The following GLIS1 variants were observed in gnomAD, a reference collection of about 807,000 sequenced individuals.
GLIS1 encodes the protein GLIS family zinc finger 1, also known as zinc finger protein GLIS1.
In GLIS1, 24 loss-of-function variants were observed where a neutral mutation model predicts 63.8. The observed-to-expected ratio is 0.38, with a 90% CI of 0.27 to 0.53. GLIS1 has a LOEUF of 0.53. GLIS1 is among the 20% of genes least tolerant of loss of function. The pLI is 0.85. For synonymous variants in GLIS1, 450 were observed against 482.5 expected (o/e 0.93, Z 0.88); for missense variants, 1,036 against 1,074.1 (o/e 0.96, Z 0.50).
intron 4 of GLIS1, among the ~76,000 whole-genome samples, chr1:53,561,217 G>A (rs942744324): frequency 1.3e-5 from 2 of 152,224 alleles, no homozygotes; most frequent in African/African-American, 4.8e-5. Flanking sequence ...TACACGGTAA[G>A]TGGGAGAGCT....
chr1:53,632,484 G>A (rs1436919261), intron 2 of GLIS1, among the ~76,000 whole-genome samples: 1 of 150,580 alleles, frequency 6.6e-6, no homozygotes, highest in Non-Finnish European at 1.5e-5. Context: ...GTGACTGAGG[G>A]GCATGTGAAT....
intron 2 of GLIS1, among the ~76,000 whole-genome samples, chr1:53,647,091 A>G (rs190615489): frequency 6.6e-6 from 1 of 152,356 alleles, no homozygotes; most frequent in East Asian, 1.9e-4. Flanking sequence ...GAAGATTCCA[A>G]ATGTGAATTT....
intron 7 of GLIS1, among the ~76,000 whole-genome samples, chr1:53,516,578 C>T (rs1338682741): frequency 3.3e-5 from 5 of 151,642 alleles, no homozygotes; most frequent in African/African-American, 1.2e-4. Flanking sequence ...TTTGGGAGGC[C>T]GAGGCGGGAG....
chr1:53,596,609 CACT>C (rs1645257697), intron 3 of GLIS1, among the ~76,000 whole-genome samples: 1 of 152,206 alleles, frequency 6.6e-6, no homozygotes, highest in Non-Finnish European at 1.5e-5. Context: ...CATTCACCAC[CACT>C]GTCTTGGGGC....
chr1:53,586,691 T>C (rs1645139024), intron 4 of GLIS1, among the ~76,000 whole-genome samples: 1 of 151,936 alleles, frequency 6.6e-6, no homozygotes, highest in South Asian at 2.1e-4. Flanking sequence ...CAAAGCTAGG[T>C]TTCAAATTCA....
At chr1:53,523,695 C>T (rs1644434883) in intron 6 of GLIS1, among the ~76,000 whole-genome samples, 2 of 152,188 alleles carry the variant, frequency 1.3e-5, no homozygotes, top group African/African-American at 4.8e-5. Context: ...GGCTCTGCCC[C>T]CAGCTGCAGT....
chr1:53,718,765 C>A (rs1159308386), intron 2 of GLIS1, among the ~76,000 whole-genome samples: 1 of 152,180 alleles, frequency 6.6e-6, no homozygotes, highest in Non-Finnish European at 1.5e-5. Context: ...ATTCCTAGAT[C>A]ATAAACAATC....
intron 2 of GLIS1, among the ~76,000 whole-genome samples, chr1:53,698,688 G>A (rs116675791): frequency 6.6e-6 from 1 of 152,314 alleles, no homozygotes; most frequent in Non-Finnish European, 1.5e-5. Flanking sequence ...TTCCTGAAAG[G>A]TCCATGGGCA....
intron 4 of GLIS1, among the ~76,000 whole-genome samples, chr1:53,561,955 T>C (rs1352440566): frequency 6.6e-6 from 1 of 152,160 alleles, no homozygotes; most frequent in Non-Finnish European, 1.5e-5. Context: ...ACAGGCTCAT[T>C]TGTCCACAGA....
chr1:53,556,816 G>A (rs1644839099), intron 4 of GLIS1, among the ~76,000 whole-genome samples: 1 of 147,342 alleles, frequency 6.8e-6, no homozygotes. Context: ...TACTGCAGGT[G>A]TGTGTGTGCA....
At chr1:53,671,013 A>T (rs1646145379) in intron 2 of GLIS1, among the ~76,000 whole-genome samples, 1 of 152,222 alleles carries the variant, frequency 6.6e-6, no homozygotes, top group South Asian at 2.1e-4. Context: ...GAAAAATTTT[A>T]AAGTAGAGTA....
intron 5 of GLIS1, among the ~76,000 whole-genome samples, chr1:53,528,888 A>AT (rs1337351340): frequency 6.6e-6 from 1 of 151,926 alleles, no homozygotes. Context: ...TCTGCTGCAG[A>AT]CCCCAGTCTC....
intron 2 of GLIS1, among the ~76,000 whole-genome samples, chr1:53,672,028 C>T (rs937068598): frequency 6.6e-6 from 1 of 152,210 alleles, no homozygotes; most frequent in African/African-American, 2.4e-5. Context: ...GCCTGGGATA[C>T]ACAGCAGGCC....
chr1:53,704,660 A>G (rs535495456), intron 2 of GLIS1, among the ~76,000 whole-genome samples: 2,192 of 152,238 alleles, frequency 0.014, 22 homozygotes, highest in Non-Finnish European at 0.022. Context: ...CATCTCAGGG[A>G]GCCCAGGGTC....
At chr1:53,508,562 G>C (rs575037682) in intron 10 of GLIS1, among the ~76,000 whole-genome samples, 2 of 152,236 alleles carry the variant, frequency 1.3e-5, no homozygotes, top group African/African-American at 4.8e-5. Context: ...CCTGCTGATC[G>C]GAGCCTGGTT....
chr1:53,550,347 C>G (rs536633255), intron 4 of GLIS1, among the ~76,000 whole-genome samples: 2 of 152,136 alleles, frequency 1.3e-5, no homozygotes, highest in African/African-American at 4.8e-5. Context: ...TAGGCCTGGG[C>G]TGGAAGAAGG....
intron 2 of GLIS1, among the ~76,000 whole-genome samples, chr1:53,694,401 G>T (rs549186135): frequency 6.6e-6 from 1 of 152,170 alleles, no homozygotes; most frequent in Non-Finnish European, 1.5e-5. Context: ...CCCTTTCTGC[G>T]AGCCGGCTGG....
At chr1:53,610,441 T>A (rs972634095) in intron 2 of GLIS1, among the ~76,000 whole-genome samples, 2 of 152,260 alleles carry the variant, frequency 1.3e-5, no homozygotes, top group African/African-American at 4.8e-5. Context: ...ATATTTCTGC[T>A]GGGTATAGAA....
At chr1:53,668,049 C>T (rs1256573156) in intron 2 of GLIS1, among the ~76,000 whole-genome samples, 1 of 152,172 alleles carries the variant, frequency 6.6e-6, no homozygotes, top group Non-Finnish European at 1.5e-5. Flanking sequence ...CTCAACAAAC[C>T]TGCCTGCCCA....
Sources: gnomAD v4.1 joint callset for allele counts (sites outside exome capture counted in the v4.1 genomes callset) on GRCh38, gnomAD v4.1.1 for gene constraint, MANE v1.5 for transcripts, NCBI Gene and HGNC (gene_info 2026-07-23, HGNC 2026-07-21) for gene names.